Variants in DLG5 observed in about 807,000 individuals in gnomAD.
DLG5 encodes the protein discs large MAGUK scaffold protein 5, also known as disks large homolog 5.
In DLG5, 48 loss-of-function variants were observed where a neutral mutation model predicts 189.8. That is an observed-to-expected ratio of 0.25 (90% CI 0.20 to 0.32). The LOEUF (loss-of-function observed/expected upper bound fraction) is 0.32, where lower values mean the gene tolerates loss of function less well. DLG5 is among the 10% of genes least tolerant of loss of function. The pLI is 1.00. For missense variants in DLG5, 2,160 were observed against 2,544.7 expected, an observed-to-expected ratio of 0.85 and a Z score of 3.25; for synonymous variants, 1,016 against 1,054.1, an observed-to-expected ratio of 0.96 and a Z score of 0.70.
intron 1 of DLG5, among the ~76,000 whole-genome samples, chr10:77,881,139 A>G (rs1845269423): frequency 6.6e-6 from 1 of 151,744 alleles, no homozygotes; most frequent in African/African-American, 2.4e-5. Flanking sequence ...TGCCTGGCTA[A>G]TTTTTGTATT....
chr10:77,872,177 G>A (rs995258155), intron 1 of DLG5, among the ~76,000 whole-genome samples: 1 of 152,172 alleles, frequency 6.6e-6, no homozygotes, highest in Non-Finnish European at 1.5e-5. Context: ...CTGGCAGCCT[G>A]CGCTCCAGAT....
intron 1 of DLG5, among the ~76,000 whole-genome samples, chr10:77,889,870 A>C (rs1249523634): frequency 6.6e-6 from 1 of 152,180 alleles, no homozygotes; most frequent in East Asian, 1.9e-4. Flanking sequence ...GAGACATGGT[A>C]CGGTGGACAC....
rs769255218 is a variant in DLG5, at chr10:77,794,060, C to T, written c.5604G>A (p.Glu1868=). ...RDKVTQRHSK[E]QFEAAQKLEQ... Reference sequence around the variant, plus strand: ...CAAGCTTCTGCGCCGCCTCAAACTGCTCTTTGGAATGCCTCTGAGTCACCT... The same window carrying T: ...CAAGCTTCTGCGCCGCCTCAAACTGTTCTTTGGAATGCCTCTGAGTCACCT... Residue 1868 remains glutamate, a synonymous_variant, in exon 31 of 32, where the codon GAG becomes GAA. Coordinates refer to ENST00000372391, the MANE Select transcript of DLG5 (RefSeq NM_004747.4). 1.9e-5 allele frequency: 30 copies of T among 1,614,202 alleles called. No homozygotes were observed. Among genetic ancestry groups the T allele is most frequent in the Non-Finnish European group, 2.4e-5 (28 of 1,180,030 alleles).
intron 1 of DLG5, among the ~76,000 whole-genome samples, chr10:77,921,532 A>G (rs941626091): frequency 5.3e-5 from 8 of 152,222 alleles, no homozygotes; most frequent in Admixed American, 3.9e-4. Context: ...AAGGTCCTCC[A>G]GATTACCTCT....
chr10:77,874,175 T>G (rs1845011843), intron 1 of DLG5, among the ~76,000 whole-genome samples: 1 of 152,266 alleles, frequency 6.6e-6, no homozygotes, highest in Admixed American at 6.5e-5. Context: ...ACTCATCTGC[T>G]GTGAGTAGCC....
chr10:77,863,292 C>T (rs75133980), intron 2 of DLG5, among the ~76,000 whole-genome samples: 1 of 151,850 alleles, frequency 6.6e-6, no homozygotes, highest in African/African-American at 2.4e-5. Context: ...AGCGACAGGG[C>T]CCCACTATGT....
intron 9 of DLG5, among the ~76,000 whole-genome samples, chr10:77,833,370 G>A (rs1425155332): frequency 7.2e-5 from 11 of 152,138 alleles, no homozygotes; most frequent in East Asian, 5.8e-4. Flanking sequence ...ACAATCTGTC[G>A]TCATCTTACT....
chr10:77,882,684 G>C (rs914580598), intron 1 of DLG5, among the ~76,000 whole-genome samples: 7 of 152,138 alleles, frequency 4.6e-5, no homozygotes, highest in Admixed American at 3.9e-4. Flanking sequence ...GGCTGAGGCA[G>C]GTGGATCACT....
the DLG5 span, among the ~76,000 whole-genome samples, chr10:77,937,715 C>CTT: frequency 1.4e-3 from 144 of 101,270 alleles, no homozygotes; most frequent in African/African-American, 4.9e-3. Flanking sequence ...ACATTTTATA[C>CTT]TTTTTTTTTT....
chr10:77,898,733 T>C (rs2154577816), intron 1 of DLG5, among the ~76,000 whole-genome samples: 1 of 152,312 alleles, frequency 6.6e-6, no homozygotes, highest in South Asian at 2.1e-4. Flanking sequence ...CTCCATGGCC[T>C]GGCTCCTGAC....
intron 2 of DLG5, among the ~76,000 whole-genome samples, chr10:77,866,376 T>G (rs917963342): frequency 6.6e-5 from 10 of 152,168 alleles, no homozygotes; most frequent in African/African-American, 2.2e-4. Flanking sequence ...CTCTAATAAG[T>G]GCCCCAGTGG....
At chr10:77,795,943 CGGT>C (rs1220311977) in intron 29 of DLG5, 115 bp downstream of exon 29, 9 of 1,454,536 alleles carry the variant, frequency 6.2e-6, no homozygotes, top group South Asian at 2.5e-5. Context: ...TAACACAACA[CGGT>C]GGGCTCACTG....
intron 1 of DLG5, among the ~76,000 whole-genome samples, chr10:77,894,243 G>A (rs1439678914): frequency 6.6e-6 from 1 of 152,146 alleles, no homozygotes; most frequent in Admixed American, 6.6e-5. Context: ...GGGAATCCCA[G>A]CTTACCCACT....
chr10:77,794,543 G>A (rs1048734642), intron 30 of DLG5, among the ~76,000 whole-genome samples: 3 of 152,196 alleles, frequency 2.0e-5, no homozygotes, highest in Non-Finnish European at 4.4e-5. Flanking sequence ...AGCACGTAGC[G>A]AGGAAAGGGG....
At chr10:77,827,769 T>C (rs1160322528) in intron 13 of DLG5, among the ~76,000 whole-genome samples, 1 of 152,196 alleles carries the variant, frequency 6.6e-6, no homozygotes, top group Non-Finnish European at 1.5e-5. Context: ...ATAAGGTGGG[T>C]AACATTAGCC....
At chr10:77,842,743 T>C (rs1843486157) in intron 6 of DLG5, among the ~76,000 whole-genome samples, 1 of 152,176 alleles carries the variant, frequency 6.6e-6, no homozygotes, top group Non-Finnish European at 1.5e-5. Flanking sequence ...TGGAGCTCCA[T>C]TACCCCCAAA....
chr10:77,885,218 C>T (rs1442310211), intron 1 of DLG5, among the ~76,000 whole-genome samples: 4 of 152,182 alleles, frequency 2.6e-5, no homozygotes, highest in Non-Finnish European at 5.9e-5. Flanking sequence ...AGCATGAGCC[C>T]ATTCTTAGAT....
intron 17 of DLG5, among the ~76,000 whole-genome samples, chr10:77,818,181 G>T (rs1842158719): frequency 6.6e-6 from 1 of 152,130 alleles, no homozygotes; most frequent in Non-Finnish European, 1.5e-5. Context: ...AAAAAACAGA[G>T]GTTTTGCAAC....
chr10:77,814,221 G>A (rs1426277574), intron 20 of DLG5, among the ~76,000 whole-genome samples: 2 of 151,694 alleles, frequency 1.3e-5, no homozygotes, highest in African/African-American at 4.8e-5. Context: ...CAGGTGATAT[G>A]CCCGTCTCAG....
Sources: allele counts gnomAD v4.1 joint callset (sites outside exome capture counted in the v4.1 genomes callset), GRCh38; gene constraint gnomAD v4.1.1; transcripts MANE v1.5; gene names NCBI Gene and HGNC (gene_info 2026-07-23, HGNC 2026-07-21).